SERINC5: variants seen among roughly 807,000 people sequenced by gnomAD.
SERINC5 encodes serine incorporator 5, also known as chromosome 5 open reading frame 12.
A neutral mutation model predicts 63.1 loss-of-function variants in SERINC5; 41 were observed. The observed-to-expected ratio is 0.65, with a 90% CI of 0.51 to 0.84. The LOEUF is 0.84. Ranked by LOEUF, SERINC5 falls within the 40% of genes least tolerant of loss-of-function variation. The pLI is 0.00. For missense variants in SERINC5, 523 were observed against 573.0 expected, an observed-to-expected ratio of 0.91 and a Z score of 0.89; for synonymous variants, 222 against 215.2, an observed-to-expected ratio of 1.03 and a Z score of -0.28.
intron 1 of SERINC5, among the ~76,000 whole-genome samples, chr5:80,221,112 C>T (rs562651776): frequency 6.6e-6 from 1 of 152,254 alleles, no homozygotes; most frequent in African/African-American, 2.4e-5. Context: ...AAAGGGGGCT[C>T]ATGAACAGCT....
At position 80,213,846 on chromosome 5, in the gene SERINC5, A is replaced by T. The variant is rs116404824; in HGVS notation, c.28-10793T>A. Among the ~76,000 whole-genome samples the T allele has an allele frequency of 1.9e-3, 296 of 152,134 alleles. 3 individuals are homozygous for T. The highest frequency in any genetic ancestry group is 6.8e-3 in the African/African-American group (284 of 41,488). On this transcript the variant is annotated intron_variant, in intron 1 of 11. Transcript: ENST00000507668. ...ATGGAAATAACCAGGCCATTCATTC[A>T]CTCACTAATATATACTATACTCTAC...
intron 11 of SERINC5, among the ~76,000 whole-genome samples, chr5:80,114,804 G>A (rs1482537110): frequency 6.6e-6 from 1 of 151,926 alleles, no homozygotes; most frequent in South Asian, 2.1e-4. Context: ...GATTTGGGTG[G>A]GGACACAGGG....
chr5:80,166,447 C>A lies in SERINC5; in HGVS notation c.795G>T (p.Gly265=). The change falls in exon 7 of 12, where the codon GGG becomes GGT. Residue 265 remains glycine, a synonymous_variant. Transcript: ENST00000507668. ...RQPHSGLLQS[G]VISCYVTYLT... ...GGTAGGTGACATAGCAGCTTATGACCCCTGATTGTAAGAGCCCCGAGTGTG... is the reference window on the plus strand; with the variant it reads ...GGTAGGTGACATAGCAGCTTATGACACCTGATTGTAAGAGCCCCGAGTGTG... 1.3e-6 allele frequency: 2 copies of A among 1,595,476 alleles called. No individual in the cohort carries two copies. The highest frequency in any genetic ancestry group is 8.5e-7 in the Non-Finnish European group (1 of 1,170,886).
At chr5:80,252,021 G>A (rs958751466) in intron 1 of SERINC5, among the ~76,000 whole-genome samples, 2 of 148,998 alleles carry the variant, frequency 1.3e-5, no homozygotes, top group African/African-American at 5.0e-5. Flanking sequence ...CCTCACTTCC[G>A]CTCTGACAGT....
At position 80,175,002 on chromosome 5, in the gene SERINC5, A is replaced by G. The variant is rs763141061; in HGVS notation, c.503T>C (p.Ile168Thr). ...AAACTCCACGAGCAGGAGGAGCTGGATGCCAATGAAGAGGAAGCCTCCGAC... is the reference window on the plus strand; with the variant it reads ...AAACTCCACGAGCAGGAGGAGCTGGGTGCCAATGAAGAGGAAGCCTCCGAC... ...GAVGGFLFIG[I>T]QLLLLVEFAH... The change falls in exon 5 of 12, where the codon ATC becomes ACC. Residue 168 changes from isoleucine to threonine, a missense_variant. By Grantham distance (89) the Ile-to-Thr change is moderately conservative (BLOSUM62 -1). Coordinates refer to ENST00000507668, the MANE Select transcript of SERINC5 (RefSeq NM_001174072.3). 1 of 1,603,516 alleles carries G rather than the reference A, an allele frequency of 6.2e-7. No homozygotes were observed. Among genetic ancestry groups the G allele is most frequent in the South Asian group, 1.1e-5 (1 of 88,836 alleles).
At chr5:80,154,596 A>C in intron 8 of SERINC5, among the ~76,000 whole-genome samples, 2 of 148,272 alleles carry the variant, frequency 1.3e-5, no homozygotes, top group South Asian at 2.1e-4. Flanking sequence ...AAATTTCCCC[A>C]CCCCCCCATA....
chr5:80,218,740 C>T (rs1229956058), intron 1 of SERINC5, among the ~76,000 whole-genome samples: 3 of 151,982 alleles, frequency 2.0e-5, no homozygotes, highest in South Asian at 2.1e-4. Flanking sequence ...TGCCCACCCC[C>T]GACTACCTCC....
chr5:80,229,030 T>TGGGGGGGGGGGGGGGGGGGGG (rs1300617664), intron 1 of SERINC5, among the ~76,000 whole-genome samples: 1 of 41,792 alleles, frequency 2.4e-5, no homozygotes, highest in Non-Finnish European at 4.1e-5. Context: ...CCTTTTTTTT[T>TGGGGGGGGGGGGGGGGGGGGG]TTTTTTTTTT....
At chr5:80,143,928 C>T in intron 11 of SERINC5, 118 bp from the exon 12 acceptor site, 1 of 1,195,932 alleles carries the variant, frequency 8.4e-7, no homozygotes, top group South Asian at 1.5e-5. Flanking sequence ...CATACACAGA[C>T]TTGTGCTACC....
intron 1 of SERINC5, among the ~76,000 whole-genome samples, chr5:80,253,804 G>C (rs1182300167): frequency 6.6e-6 from 1 of 152,190 alleles, no homozygotes; most frequent in African/African-American, 2.4e-5. Flanking sequence ...GCCCAGATAG[G>C]CCATTGAGAG....
At chr5:80,216,942 T>C (rs1202734544) in intron 1 of SERINC5, among the ~76,000 whole-genome samples, 6 of 151,964 alleles carry the variant, frequency 3.9e-5, no homozygotes, top group Admixed American at 2.6e-4. Flanking sequence ...GCCCAGAAGA[T>C]TGAGGTTACA....
At chr5:80,203,103 A>G (rs1349991550) in intron 1 of SERINC5, 50 bp from the exon 2 acceptor site, 5 of 1,510,626 alleles carry the variant, frequency 3.3e-6, no homozygotes, top group Non-Finnish European at 3.6e-6. Flanking sequence ...CTGTGATAGA[A>G]TAAGAAACAT....
downstream of SERINC5, among the ~76,000 whole-genome samples, chr5:80,137,147 A>AC (rs1274042136): frequency 9.2e-4 from 112 of 121,340 alleles, 1 homozygote; most frequent in African/African-American, 3.3e-3. Flanking sequence ...CTCAAAAAAA[A>AC]AAAAAAAAAA....
At chr5:80,171,931 T>C (rs1006722807) in intron 5 of SERINC5, among the ~76,000 whole-genome samples, 72 of 151,402 alleles carry the variant, frequency 4.8e-4, no homozygotes, top group African/African-American at 1.6e-3. Flanking sequence ...AGATGATAAA[T>C]CCATGAGGTA....
chr5:80,173,038 T>C (rs887954008), intron 5 of SERINC5, among the ~76,000 whole-genome samples: 25 of 152,024 alleles, frequency 1.6e-4, no homozygotes, highest in Non-Finnish European at 2.8e-4. Flanking sequence ...CTTCCTGATA[T>C]TGACACCCCC....
Position 80,143,387 on chromosome 5 carries a change from G to A in SERINC5, c.*276C>T. 1.7e-6 allele frequency: 2 copies of A among 1,148,368 alleles called. No individual in the cohort carries two copies. Among genetic ancestry groups the A allele is most frequent in the Non-Finnish European group, 2.1e-6 (2 of 934,374 alleles). 71.1% of individuals were successfully genotyped at this position (1,148,368 alleles called of 1,614,324 possible). ...AATTCTGTTTTGGCAAAAACATGCA[G>A]AAGGAAGTCAACATAACTGGTATCC... On this transcript the variant is annotated 3_prime_UTR_variant, in exon 12 of 12. Coordinates refer to ENST00000507668, the MANE Select transcript of SERINC5 (RefSeq NM_001174072.3).
chr5:80,153,863 C>G (rs537637588), intron 8 of SERINC5, among the ~76,000 whole-genome samples: 2 of 152,058 alleles, frequency 1.3e-5, no homozygotes, highest in South Asian at 4.2e-4. Flanking sequence ...CACTACAGTG[C>G]CCAGAACCCC....
intron 1 of SERINC5, among the ~76,000 whole-genome samples, chr5:80,244,170 T>C (rs1012244636): frequency 4.6e-5 from 7 of 151,886 alleles, no homozygotes; most frequent in Non-Finnish European, 1.0e-4. Flanking sequence ...CCCCAGCATT[T>C]CTCTACCTTC....
chr5:80,195,085 G>A (rs776215997), intron 2 of SERINC5, among the ~76,000 whole-genome samples: 4 of 152,030 alleles, frequency 2.6e-5, no homozygotes, highest in Non-Finnish European at 2.9e-5. Context: ...TCAGGAGTTC[G>A]AGACCAGCCT....
Sources: allele counts gnomAD v4.1 joint callset (sites outside exome capture counted in the v4.1 genomes callset), GRCh38; gene constraint gnomAD v4.1.1; transcripts MANE v1.5; gene names NCBI Gene and HGNC (gene_info 2026-07-23, HGNC 2026-07-21).